Variants in ROBO1 observed in about 807,000 individuals in gnomAD.
The protein encoded by ROBO1 is roundabout homolog 1.
A neutral mutation model predicts 195.9 loss-of-function variants in ROBO1; 149 were observed. That is an observed-to-expected ratio of 0.76 (90% CI 0.67 to 0.87). The LOEUF is 0.87. Among genes scored for constraint, ROBO1 ranks in the 40% least tolerant of loss-of-function variants. The pLI, the probability that ROBO1 is intolerant of heterozygous loss-of-function variation, is 0.00. For missense variants in ROBO1, 1,933 were observed against 2,068.3 expected, an observed-to-expected ratio of 0.93 and a Z score of 1.27; for synonymous variants, 816 against 733.2, an observed-to-expected ratio of 1.11 and a Z score of -1.82.
At chr3:79,256,003 G>A (rs780827024) in intron 2 of ROBO1, among the ~76,000 whole-genome samples, 11 of 152,132 alleles carry the variant, frequency 7.2e-5, no homozygotes, top group South Asian at 2.1e-4. Context: ...TTGTAATAAG[G>A]AAAGCATCCT....
chr3:79,277,857 C>T (rs1312160059), intron 2 of ROBO1, among the ~76,000 whole-genome samples: 1 of 151,278 alleles, frequency 6.6e-6, no homozygotes, highest in Non-Finnish European at 1.5e-5. Context: ...TAGAGGGCAT[C>T]CAAATTGAAA....
intron 2 of ROBO1, among the ~76,000 whole-genome samples, chr3:79,551,165 T>C (rs1039488335): frequency 6.6e-6 from 1 of 152,078 alleles, no homozygotes; most frequent in Non-Finnish European, 1.5e-5. Flanking sequence ...CACTGTTTTT[T>C]TTTCTTTCAA....
At chr3:79,557,718 G>A in intron 2 of ROBO1, among the ~76,000 whole-genome samples, 1 of 104,456 alleles carries the variant, frequency 9.6e-6, no homozygotes, top group Non-Finnish European at 1.9e-5. Context: ...GGGCAACAGA[G>A]CGAGACTGTC....
chr3:78,915,071 A>C lies in ROBO1; in HGVS notation c.499+23530T>G, dbSNP rs188561526. ...CGATATAGAAAATACAGGTCCTACC[A>C]GGGCACTCTTATTCCGCATGTGGCA... On this transcript the variant is annotated intron_variant, in intron 4 of 30. Coordinates refer to ENST00000464233, the MANE Select transcript of ROBO1 (RefSeq NM_002941.4). Among the ~76,000 whole-genome samples the C allele has an allele frequency of 5.2e-3, 790 of 152,230 alleles. 7 individuals are homozygous for C. The highest frequency in any genetic ancestry group is 0.018 in the African/African-American group (749 of 41,566).
chr3:79,686,902 A>G (rs1403103323), intron 1 of ROBO1, among the ~76,000 whole-genome samples: 2 of 152,328 alleles, frequency 1.3e-5, no homozygotes, highest in East Asian at 1.9e-4. Context: ...AAGAGCCCAC[A>G]TTGCCAAGTC....
chr3:78,666,082 A>G (rs1314319196), intron 14 of ROBO1, among the ~76,000 whole-genome samples: 2 of 152,024 alleles, frequency 1.3e-5, no homozygotes, highest in Non-Finnish European at 2.9e-5. Flanking sequence ...ATGGTTTTAT[A>G]AGGGGCTTTG....
At chr3:78,994,139 A>G (rs1337922246) in intron 3 of ROBO1, among the ~76,000 whole-genome samples, 3 of 152,224 alleles carry the variant, frequency 2.0e-5, no homozygotes, top group Non-Finnish European at 4.4e-5. Context: ...CAATATAGAT[A>G]CAGAACAGAG....
At chr3:78,702,804 C>T (rs1033203951) in intron 8 of ROBO1, among the ~76,000 whole-genome samples, 3 of 152,128 alleles carry the variant, frequency 2.0e-5, no homozygotes, top group Admixed American at 2.0e-4. Context: ...GAATAAATCA[C>T]AGTAAAACTC....
At chr3:79,164,827 C>T (rs2081034149) in intron 2 of ROBO1, among the ~76,000 whole-genome samples, 1 of 152,164 alleles carries the variant, frequency 6.6e-6, no homozygotes, top group Admixed American at 6.5e-5. Context: ...TTATCAAACA[C>T]ACTACAAGTA....
intron 26 of ROBO1, among the ~76,000 whole-genome samples, chr3:78,620,790 C>T (rs986134258): frequency 2.6e-5 from 4 of 151,732 alleles, no homozygotes; most frequent in Non-Finnish European, 5.9e-5. Context: ...CCACAGATCA[C>T]ATGTATCAAA....
chr3:78,931,236 C>CTTTTTTTTTTT (rs71127369), intron 4 of ROBO1, among the ~76,000 whole-genome samples: 19 of 79,222 alleles, frequency 2.4e-4, no homozygotes, highest in Non-Finnish European at 3.6e-4. Context: ...TTCTTTCTTT[C>CTTTTTTTTTTT]TTTTTTTTTT....
intron 2 of ROBO1, among the ~76,000 whole-genome samples, chr3:79,426,480 C>T (rs2038451166): frequency 6.6e-6 from 1 of 152,104 alleles, no homozygotes; most frequent in Admixed American, 6.6e-5. Context: ...AAGCCATTCC[C>T]CACCTCAGCC....
At chr3:79,087,022 G>T (rs1392788342) in intron 3 of ROBO1, among the ~76,000 whole-genome samples, 1 of 151,860 alleles carries the variant, frequency 6.6e-6, no homozygotes, top group Non-Finnish European at 1.5e-5. Context: ...AATAATTACT[G>T]CAGCTGCTAG....
intron 1 of ROBO1, among the ~76,000 whole-genome samples, chr3:79,617,533 T>C (rs138241303): frequency 6.6e-6 from 1 of 151,996 alleles, no homozygotes; most frequent in Non-Finnish European, 1.5e-5. Context: ...ATATACAACT[T>C]ATATTACAGC....
chr3:79,231,269 A>G (rs2082316361), intron 2 of ROBO1, among the ~76,000 whole-genome samples: 1 of 152,202 alleles, frequency 6.6e-6, no homozygotes, highest in East Asian at 1.9e-4. Context: ...CTGTTAGCAG[A>G]GTAAACAGAT....
chr3:78,901,366 A>G (rs542370093), intron 4 of ROBO1, among the ~76,000 whole-genome samples: 1 of 152,308 alleles, frequency 6.6e-6, no homozygotes, highest in East Asian at 1.9e-4. Flanking sequence ...GAGACAGCAA[A>G]AGTTTTATAT....
chr3:79,453,341 T>A (rs75072270), intron 2 of ROBO1, among the ~76,000 whole-genome samples: 7,270 of 152,208 alleles, frequency 0.048, 226 homozygotes, highest in Middle Eastern at 0.095. Flanking sequence ...TCTTCCATTT[T>A]CCTTACATAA....
chr3:79,032,252 A>C (rs899244026), intron 3 of ROBO1, among the ~76,000 whole-genome samples: 2 of 152,052 alleles, frequency 1.3e-5, no homozygotes. Flanking sequence ...TAATATCTTC[A>C]GAACTAATTT....
chr3:79,362,072 T>C (rs1263724736), intron 2 of ROBO1, among the ~76,000 whole-genome samples: 1 of 152,024 alleles, frequency 6.6e-6, no homozygotes, highest in African/African-American at 2.4e-5. Context: ...GGATGTATGT[T>C]GACTTCGTAT....
Sources: allele counts gnomAD v4.1 joint callset (sites outside exome capture counted in the v4.1 genomes callset), GRCh38; gene constraint gnomAD v4.1.1; transcripts MANE v1.5; gene names NCBI Gene and HGNC (gene_info 2026-07-23, HGNC 2026-07-21).